NTM: variants seen among roughly 807,000 people sequenced by gnomAD.
The protein encoded by NTM is neurotrimin.
Under a neutral mutation model 42.1 loss-of-function variants are expected in NTM, and 13 were observed. That is an observed-to-expected ratio of 0.31 (90% CI 0.20 to 0.49). NTM has a LOEUF of 0.49. Among genes scored for constraint, NTM ranks in the 20% least tolerant of loss-of-function variants. The pLI is 0.99. For missense variants in NTM, 373 were observed against 452.8 expected (o/e 0.82, Z 1.60); for synonymous variants, 187 against 179.2 (o/e 1.04, Z -0.35).
At position 131,768,780 on chromosome 11, in the gene NTM, G is replaced by T. The variant is rs754187115; in HGVS notation, c.83-142784G>T. On this transcript the variant is annotated intron_variant, in intron 1 of 8. Coordinates refer to ENST00000683400, the MANE Select transcript of NTM (RefSeq NM_001352005.2). ...GGGAACTCTATTGTTATTATTATTC[G>T]TTGCTATAGCAAAAGTGGAAGCATT... Among the ~76,000 whole-genome samples the T allele has an allele frequency of 2.6e-5, 4 of 152,122 alleles. No homozygotes were observed. The South Asian group carries it at 6.2e-4, about 24-fold the overall frequency.
intron 2 of NTM, among the ~76,000 whole-genome samples, chr11:131,970,758 T>G (rs2063423918): frequency 6.6e-6 from 1 of 152,198 alleles, no homozygotes; most frequent in Non-Finnish European, 1.5e-5. Flanking sequence ...GTTGAGTTAA[T>G]CACATTCCTC....
chr11:132,161,672 G>A lies in NTM; in HGVS notation c.400+15158G>A, dbSNP rs138561390. On this transcript the variant is annotated intron_variant, in intron 3 of 8. Coordinates refer to ENST00000683400, the MANE Select transcript of NTM (RefSeq NM_001352005.2). Reference sequence around the variant, plus strand: ...CTCTTCCCCTGGCGCCCCCTTGCCAGTTGCCATCCCTCTGTTTCACCCAGT... The same window carrying A: ...CTCTTCCCCTGGCGCCCCCTTGCCAATTGCCATCCCTCTGTTTCACCCAGT... Among the ~76,000 whole-genome samples, 380 of 151,924 alleles carry A rather than the reference G, an allele frequency of 2.5e-3. 4 individuals are homozygous for A. Among genetic ancestry groups the A allele is most frequent in the African/African-American group, 9.0e-3 (372 of 41,428 alleles).
At chr11:132,047,321 C>T (rs1447520562) in intron 2 of NTM, among the ~76,000 whole-genome samples, 1 of 152,272 alleles carries the variant, frequency 6.6e-6, no homozygotes, top group Non-Finnish European at 1.5e-5. Context: ...ATGCTGAATT[C>T]TGAATATCCC....
chr11:131,961,706 G>A (rs79841823), intron 2 of NTM, among the ~76,000 whole-genome samples: 2,545 of 152,268 alleles, frequency 0.017, 64 homozygotes, highest in African/African-American at 0.059. Flanking sequence ...CGGCAGTGAG[G>A]CAGCATCAAT....
Position 131,454,836 on chromosome 11 carries a change from T to C in NTM, c.82+83948T>C, listed in dbSNP as rs906468754. On this transcript the variant is annotated intron_variant, in intron 1 of 8. Transcript: ENST00000683400. ...GGCCACAGAGAGAAGAAAAATCACC[T>C]GAATATATAAAGCCTGTATTTGGCA... 6.3e-4 allele frequency among the ~76,000 whole-genome samples: 96 copies of C among 152,114 alleles called. 2 individuals carry two copies. The highest frequency in any genetic ancestry group is 3.9e-4 in the Admixed American group (6 of 15,284).
chr11:132,205,930 C>G (rs1424556594), intron 3 of NTM, among the ~76,000 whole-genome samples: 3 of 152,108 alleles, frequency 2.0e-5, no homozygotes, highest in African/African-American at 7.2e-5. Flanking sequence ...AAGTAGTTCC[C>G]CCTAGAAGGT....
At chr11:131,842,406 A>G (rs778316273) in intron 1 of NTM, among the ~76,000 whole-genome samples, 28 of 152,236 alleles carry the variant, frequency 1.8e-4, no homozygotes, top group Non-Finnish European at 3.7e-4. Context: ...TGTGAATTTC[A>G]GCACAGTTTT....
chr11:131,941,089 G>A (rs2059744124), intron 2 of NTM, among the ~76,000 whole-genome samples: 1 of 152,230 alleles, frequency 6.6e-6, no homozygotes, highest in African/African-American at 2.4e-5. Context: ...GTAATGAGAT[G>A]ACAGGCACAT....
intron 1 of NTM, among the ~76,000 whole-genome samples, chr11:131,674,524 G>A (rs1192704737): frequency 2.0e-5 from 3 of 152,222 alleles, no homozygotes; most frequent in Non-Finnish European, 2.9e-5. Flanking sequence ...ACACCAGAGA[G>A]CTGGCCACTC....
chr11:131,518,046 C>T (rs78752007), intron 1 of NTM, among the ~76,000 whole-genome samples: 115 of 152,270 alleles, frequency 7.6e-4, no homozygotes, highest in African/African-American at 2.5e-3. Context: ...TGTTTTCACA[C>T]GCATAACCCC....
chr11:131,905,387 C>T (rs1235660018), intron 1 of NTM, among the ~76,000 whole-genome samples: 2 of 152,160 alleles, frequency 1.3e-5, no homozygotes, highest in Admixed American at 6.5e-5. Context: ...AGAGCACTCC[C>T]GAGGTGCCCA....
chr11:131,517,483 A>T (rs1158014274), intron 1 of NTM, among the ~76,000 whole-genome samples: 3 of 152,174 alleles, frequency 2.0e-5, no homozygotes, highest in Non-Finnish European at 4.4e-5. Flanking sequence ...AAAATGGGGG[A>T]GTAGAGGCCT....
Position 131,789,628 on chromosome 11 carries a change from G to A in NTM, c.83-121936G>A, listed in dbSNP as rs1565552898. The stretch of plus-strand genomic sequence containing the variant: ...AGAAGAAGAAGAAGAAGAAGAAGAA[G>A]AAGAAGAAAAGAAGAAGAAGAAGAA... On this transcript the variant is annotated intron_variant, in intron 1 of 8. Coordinates refer to ENST00000683400, the MANE Select transcript of NTM (RefSeq NM_001352005.2). Among the ~76,000 whole-genome samples, 27 of 85,130 alleles carry A rather than the reference G, an allele frequency of 3.2e-4. 1 individual carries two copies. The highest frequency in any genetic ancestry group is 4.4e-4 in the Non-Finnish European group (19 of 42,866). The allele number at this position is 85,130 out of a possible 152,430, so 55.8% of individuals were successfully genotyped here.
intron 1 of NTM, among the ~76,000 whole-genome samples, chr11:131,909,251 T>C (rs761756283): frequency 1.3e-5 from 2 of 152,186 alleles, no homozygotes; most frequent in Non-Finnish European, 2.9e-5. Context: ...CCTATCTCTA[T>C]AGTTAGTGTG....
At chr11:132,153,791 C>A (rs1266414011) in intron 3 of NTM, among the ~76,000 whole-genome samples, 1 of 152,172 alleles carries the variant, frequency 6.6e-6, no homozygotes, top group Non-Finnish European at 1.5e-5. Context: ...TCAGACAGAG[C>A]TCCTGCCCTG....
intron 1 of NTM, among the ~76,000 whole-genome samples, chr11:131,821,110 C>A (rs2093169233): frequency 6.6e-6 from 1 of 151,744 alleles, no homozygotes; most frequent in Admixed American, 6.5e-5. Flanking sequence ...GATGATTTCT[C>A]CCTGTGTTTG....
At position 131,983,628 on chromosome 11, in the gene NTM, G is replaced by A. The variant is rs531997989; in HGVS notation, c.167+71980G>A. On this transcript the variant is annotated intron_variant, in intron 2 of 8. Coordinates refer to ENST00000683400, the MANE Select transcript of NTM (RefSeq NM_001352005.2). ...TGACCTCAGGTAATCTGCCTGCCTC[G>A]GCCTCCCAAAGTGCTGGTATTACAG... Among the ~76,000 whole-genome samples, 3 of 152,014 alleles carry A rather than the reference G, an allele frequency of 2.0e-5. No individual in the cohort carries two copies. The South Asian group carries it at 6.2e-4, about 32-fold the overall frequency.
In NTM at chr11:132,044,147, C is replaced by T. The variant is rs376003145; in HGVS notation, c.168-102135C>T. Among the ~76,000 whole-genome samples the T allele has an allele frequency of 7.6e-4, 35 of 45,796 alleles. No individual in the cohort carries two copies. The East Asian group carries it at 0.037, about 48-fold the overall frequency. 30.0% of individuals were successfully genotyped at this position (45,796 alleles called of 152,430 possible). A position where few individuals can be genotyped will look rare whatever the true frequency, so the allele number is the denominator to read the frequency against. On this transcript the variant is annotated intron_variant, in intron 2 of 8. Coordinates refer to ENST00000683400, the MANE Select transcript of NTM (RefSeq NM_001352005.2). ...GTGTATATATGTGTGTGTGTATGTG[C>T]GTGTGTGTGTGTGTGTGCTTATGTG... is the stretch of plus-strand genomic sequence containing the variant.
At chr11:132,140,853 T>A (rs1177021330) in intron 2 of NTM, among the ~76,000 whole-genome samples, 2 of 152,200 alleles carry the variant, frequency 1.3e-5, no homozygotes, top group African/African-American at 4.8e-5. Context: ...AGCCGAATGC[T>A]CAGAGGCACC....
Sources: gnomAD v4.1 joint callset for allele counts (sites outside exome capture counted in the v4.1 genomes callset) on GRCh38, gnomAD v4.1.1 for gene constraint, MANE v1.5 for transcripts, NCBI Gene and HGNC (gene_info 2026-07-23, HGNC 2026-07-21) for gene names.